The following ANKRD27 variants were observed in gnomAD, a reference collection of about 807,000 sequenced individuals.
The protein encoded by ANKRD27 is ankyrin repeat domain 27, also known as ankyrin repeat domain-containing protein 27.
Under a neutral mutation model 129.7 loss-of-function variants are expected in ANKRD27, and 112 were observed. That is an observed-to-expected ratio of 0.86 (90% CI 0.74 to 1.01). The LOEUF (loss-of-function observed/expected upper bound fraction) is 1.01, where lower values mean the gene tolerates loss of function less well. ANKRD27 is among the 50% of genes least tolerant of loss of function. The pLI, the probability that ANKRD27 is intolerant of heterozygous loss-of-function variation, is 0.00. For synonymous variants in ANKRD27, 516 were observed against 511.2 expected (o/e 1.01, Z -0.13); for missense variants, 1,258 against 1,300.5 (o/e 0.97, Z 0.50).
intron 25 of ANKRD27, among the ~76,000 whole-genome samples, chr19:32,602,411 T>C (rs1971667295): frequency 6.6e-6 from 1 of 151,994 alleles, no homozygotes; most frequent in Non-Finnish European, 1.5e-5. Flanking sequence ...AGATCTACTA[T>C]CATATGCTTA....
intron 2 of ANKRD27, among the ~76,000 whole-genome samples, chr19:32,652,179 G>A (rs1045566255): frequency 6.6e-6 from 1 of 152,216 alleles, no homozygotes; most frequent in Non-Finnish European, 1.5e-5. Context: ...AGAGTTACCG[G>A]CATAGACGAA....
At chr19:32,621,317 A>C (rs1972006735) in intron 18 of ANKRD27, among the ~76,000 whole-genome samples, 1 of 152,160 alleles carries the variant, frequency 6.6e-6, no homozygotes, top group Non-Finnish European at 1.5e-5. Context: ...TCTCATCTCT[A>C]TTACTTTTCT....
At chr19:32,604,762 A>T (rs1971706545) in intron 24 of ANKRD27, among the ~76,000 whole-genome samples, 1 of 152,204 alleles carries the variant, frequency 6.6e-6, no homozygotes, top group African/African-American at 2.4e-5. Flanking sequence ...ATTAAGACAG[A>T]AAACAATACT....
chr19:32,604,361 C>T lies in ANKRD27; in HGVS notation c.2557G>A (p.Glu853Lys), dbSNP rs1183889544. The T allele has an allele frequency of 6.2e-7, 1 of 1,613,854 alleles. No homozygotes were observed. The highest frequency in any genetic ancestry group is 2.2e-5 in the East Asian group (1 of 44,886). ...GNTALHEAVIEKHVFVVELLL... is the reference protein window; with the variant it reads ...GNTALHEAVIKKHVFVVELLL... Reference sequence around the variant, plus strand: ...AGCTCTACCACGAAGACGTGCTTTTCAATCACAGCCTCGTGCAGCGCTGTG... The same window carrying T: ...AGCTCTACCACGAAGACGTGCTTTTTAATCACAGCCTCGTGCAGCGCTGTG... Residue 853 changes from glutamate (E) to lysine (K), a missense_variant, in exon 25 of 29, where the codon GAA (glutamate) becomes AAA (lysine). Physicochemically the swap from Glu to Lys is moderately conservative, Grantham distance 56 (BLOSUM62 1). Transcript: ENST00000306065.
intron 2 of ANKRD27, among the ~76,000 whole-genome samples, chr19:32,654,102 A>C (rs1274963480): frequency 6.6e-6 from 1 of 152,092 alleles, no homozygotes; most frequent in Non-Finnish European, 1.5e-5. Context: ...GGGTTTCACT[A>C]TGTTGGCCAG....
intron 1 of ANKRD27, among the ~76,000 whole-genome samples, chr19:32,662,387 T>C (rs989501742): frequency 6.6e-6 from 1 of 150,896 alleles, no homozygotes; most frequent in African/African-American, 2.4e-5. Flanking sequence ...CCCTGTGACT[T>C]GCTTCAACCA....
chr19:32,600,240 A>C (rs1032917379), intron 26 of ANKRD27, 190 bp from the exon 27 acceptor site: 8 of 483,940 alleles, frequency 1.7e-5, no homozygotes, highest in African/African-American at 1.4e-4. Context: ...CCAAAAATCT[A>C]AAGCCTAAAA....
At chr19:32,620,862 G>A (rs1422703660) in intron 18 of ANKRD27, among the ~76,000 whole-genome samples, 1 of 129,680 alleles carries the variant, frequency 7.7e-6, no homozygotes, top group Admixed American at 9.8e-5. Flanking sequence ...CTCCAGTTTG[G>A]GCAATACAGC....
rs1967885761 is a variant in ANKRD27 at position 32,672,286 on chromosome 19, G to GT, written c.-31+2784_-31+2785insA. ...CTATTCATCTATTTTTCACACCAAT[G>GT]GAAGCAATGTGGTGATGTATGTATG... On this transcript the variant is annotated intron_variant, in intron 1 of 28. Coordinates refer to ENST00000306065, the MANE Select transcript of ANKRD27 (RefSeq NM_032139.3). Among the ~76,000 whole-genome samples, 11 of 152,328 alleles carry GT rather than the reference G, an allele frequency of 7.2e-5. No homozygotes were observed. In the South Asian group the frequency reaches 2.3e-3, roughly 32 times the overall value.
At chr19:32,627,867 AG>A (rs36074796) in intron 15 of ANKRD27, among the ~76,000 whole-genome samples, 1 of 152,200 alleles carries the variant, frequency 6.6e-6, no homozygotes, top group Non-Finnish European at 1.5e-5. Flanking sequence ...GGACCCACGC[AG>A]GGGGGCTCAG....
chr19:32,612,354 T>G (rs949190527), intron 22 of ANKRD27, among the ~76,000 whole-genome samples: 1 of 152,220 alleles, frequency 6.6e-6, no homozygotes, highest in Non-Finnish European at 1.5e-5. Flanking sequence ...GAGCAAGGTA[T>G]TTTGTAGACA....
intron 22 of ANKRD27, among the ~76,000 whole-genome samples, chr19:32,611,949 G>C (rs1043786646): frequency 2.6e-5 from 4 of 152,168 alleles, no homozygotes; most frequent in African/African-American, 4.8e-5. Context: ...CTGTTGGCCA[G>C]GCTGGTCTCA....
chr19:32,644,789 A>G, intron 4 of ANKRD27, among the ~76,000 whole-genome samples: 1 of 152,220 alleles, frequency 6.6e-6, no homozygotes, highest in East Asian at 1.9e-4. Context: ...CTTATTATTT[A>G]TTAAAAATAA....
chr19:32,664,617 A>AAATAACAATAAT (rs376769346), intron 1 of ANKRD27, among the ~76,000 whole-genome samples: 25 of 128,328 alleles, frequency 1.9e-4, no homozygotes, highest in African/African-American at 6.0e-4. Context: ...CTCCATCCCC[A>AAATAACAATAAT]AATAATAATA....
intron 20 of ANKRD27, 35 bp downstream of exon 20, chr19:32,619,225 C>A: frequency 6.3e-7 from 1 of 1,596,742 alleles, no homozygotes; most frequent in South Asian, 1.1e-5. Flanking sequence ...GCCGCCAAGG[C>A]CTCCCCTCCC....
rs905589501 is a variant in ANKRD27, at chr19:32,652,378, T to A, written c.103-2586A>T. On this transcript the variant is annotated intron_variant, in intron 2 of 28. Coordinates refer to ENST00000306065, the MANE Select transcript of ANKRD27 (RefSeq NM_032139.3). The stretch of plus-strand genomic sequence containing the variant: ...GCTGAGGCAGGTGGATCACCTGAGG[T>A]CAGGAGTTTGAGACCAGCCTGGCCA... 2.0e-5 allele frequency among the ~76,000 whole-genome samples: 3 copies of A among 147,718 alleles called. No homozygotes were observed. The East Asian group carries it at 6.1e-4, about 30-fold the overall frequency.
At chr19:32,666,484 A>C (rs1368555449) in intron 1 of ANKRD27, 1 of 152,122 alleles carries the variant, frequency 6.6e-6, no homozygotes, top group East Asian at 1.9e-4. Context: ...CTGTCTGCAG[A>C]CTGCTCCATG....
At chr19:32,649,911 C>A in intron 2 of ANKRD27, 119 bp from the exon 3 acceptor site, 1 of 713,180 alleles carries the variant, frequency 1.4e-6, no homozygotes, top group African/African-American at 1.7e-5. Context: ...GCAGAGAGAA[C>A]GCCCGAGGTC....
intron 25 of ANKRD27, 45 bp from the exon 26 acceptor site, chr19:32,602,171 T>C: frequency 8.3e-7 from 1 of 1,208,910 alleles, no homozygotes; most frequent in Non-Finnish European, 1.2e-6. Context: ...TTTATTCTTT[T>C]TTAATAGGTT....
Sources: allele counts gnomAD v4.1 joint callset (sites outside exome capture counted in the v4.1 genomes callset), GRCh38; gene constraint gnomAD v4.1.1; transcripts MANE v1.5; gene names NCBI Gene and HGNC (gene_info 2026-07-23, HGNC 2026-07-21).